Variants in RXRA observed in about 807,000 individuals in gnomAD.
RXRA encodes retinoid X receptor alpha, also known as retinoic acid receptor RXR-alpha.
In RXRA, 5 loss-of-function variants were observed where a neutral mutation model predicts 44.5. The observed-to-expected ratio is 0.11, with a 90% CI of 0.06 to 0.24. The LOEUF (loss-of-function observed/expected upper bound fraction) is 0.24, where lower values mean the gene tolerates loss of function less well. RXRA is among the 10% of genes least tolerant of loss of function. RXRA has a pLI of 1.00. For synonymous variants in RXRA, 291 were observed against 271.4 expected, an observed-to-expected ratio of 1.07 and a Z score of -0.71; for missense variants, 412 against 646.5, an observed-to-expected ratio of 0.64 and a Z score of 3.93.
chr9:134,410,306 T>A (rs2119162553), intron 4 of RXRA, among the ~76,000 whole-genome samples: 1 of 152,310 alleles, frequency 6.6e-6, no homozygotes, highest in Admixed American at 6.5e-5. Flanking sequence ...GATTCGTGTT[T>A]CATGGAGTGC....
chr9:134,401,595 T>C (rs1263236549), intron 1 of RXRA, 37 bp from the exon 2 acceptor site: 1 of 1,611,320 alleles, frequency 6.2e-7, no homozygotes, highest in South Asian at 1.1e-5. Context: ...TGGAGTCACC[T>C]GCACTGACCA....
At chr9:134,416,081 G>T (rs190052668) in intron 4 of RXRA, among the ~76,000 whole-genome samples, 104 of 152,258 alleles carry the variant, frequency 6.8e-4, no homozygotes, top group East Asian at 1.7e-3. Context: ...GGAAGGGGAC[G>T]TGTCTCGGGG....
chr9:134,338,273 C>T (rs1379056490), intron 1 of RXRA, among the ~76,000 whole-genome samples: 1 of 152,370 alleles, frequency 6.6e-6, no homozygotes, highest in African/African-American at 2.4e-5. Flanking sequence ...CATTCGACCC[C>T]TGCTGGCTCA....
intron 4 of RXRA, among the ~76,000 whole-genome samples, chr9:134,410,453 ATGTGCCCAGCCTGGAGAGGTG>A (rs1186708123): frequency 2.6e-5 from 4 of 152,180 alleles, no homozygotes; most frequent in South Asian, 2.1e-4. Context: ...GCAGAGGAGC[ATGTGCCCAGCCTGGAGAGGTG>A]TGTGCCCAGC....
intron 1 of RXRA, among the ~76,000 whole-genome samples, chr9:134,374,918 C>G (rs1830534383): frequency 6.6e-6 from 1 of 152,208 alleles, no homozygotes; most frequent in African/African-American, 2.4e-5. Flanking sequence ...TACTTGGCAC[C>G]TGCTATGTGC....
chr9:134,401,392 G>T (rs748327316), intron 1 of RXRA: 77 of 597,702 alleles, frequency 1.3e-4, no homozygotes, highest in Admixed American at 9.6e-5. Flanking sequence ...TGCGTCTGCC[G>T]CAGGCCCAGC....
At position 134,426,180 on chromosome 9, in the gene RXRA, G is replaced by GT. The variant is rs1400005316; in HGVS notation, c.911-2927dup. 2 of 985,442 alleles carry GT rather than the reference G, an allele frequency of 2.0e-6. No homozygotes were observed. The highest frequency in any genetic ancestry group is 2.3e-4 in the East Asian group (2 of 8,812). The allele number at this position is 985,442 out of a possible 1,614,324, so 61.0% of individuals were successfully genotyped here. A position where few individuals can be genotyped will look rare whatever the true frequency, so the allele number is the denominator to read the frequency against. ...CTTTGTCCTGCGCTTGGAGCCTGGAGTAAGACCTGGTATCCTCTGCATCAC... is the reference window on the plus strand; with the variant it reads ...CTTTGTCCTGCGCTTGGAGCCTGGAGTTAAGACCTGGTATCCTCTGCATCAC... On this transcript the variant is annotated intron_variant, in intron 6 of 9. Transcript: ENST00000481739. The surrounding 1 kb of genome is among the most constrained non-coding windows in gnomAD (Gnocchi z 4.6).
At chr9:134,356,532 C>T (rs1830285807) in intron 1 of RXRA, among the ~76,000 whole-genome samples, 1 of 152,292 alleles carries the variant, frequency 6.6e-6, no homozygotes, top group African/African-American at 2.4e-5. Flanking sequence ...GAGGCCCTTC[C>T]TGCTGACACA....
chr9:134,359,161 C>T (rs1830319182), intron 1 of RXRA, among the ~76,000 whole-genome samples: 1 of 152,064 alleles, frequency 6.6e-6, no homozygotes. Flanking sequence ...TTTGGGGTCC[C>T]CTGCTCACAT....
chr9:134,379,780 A>AC, intron 1 of RXRA: 1 of 985,216 alleles, frequency 1.0e-6, no homozygotes, highest in Non-Finnish European at 1.2e-6. Context: ...ACCTGGGCCC[A>AC]GCTGCCCCTA....
chr9:134,380,950 G>C (rs1830635551), intron 1 of RXRA, among the ~76,000 whole-genome samples: 1 of 152,218 alleles, frequency 6.6e-6, no homozygotes, highest in South Asian at 2.1e-4. Flanking sequence ...TGAGGGTTCA[G>C]GGGGTGCCCC....
chr9:134,338,344 C>T (rs1042288098), intron 1 of RXRA, among the ~76,000 whole-genome samples: 23 of 152,226 alleles, frequency 1.5e-4, no homozygotes, highest in African/African-American at 5.3e-4. Context: ...CCAGCTGTGG[C>T]GCTGAAAGGG....
intron 1 of RXRA, among the ~76,000 whole-genome samples, chr9:134,372,334 G>T (rs930568847): frequency 2.6e-5 from 4 of 152,146 alleles, no homozygotes; most frequent in Non-Finnish European, 5.9e-5. Context: ...CTGGATGCTG[G>T]CTTTGCTGTT....
At chr9:134,421,878 C>G (rs750339904) in intron 6 of RXRA, 73 bp downstream of exon 6, 1 of 1,571,500 alleles carries the variant, frequency 6.4e-7, no homozygotes, top group Non-Finnish European at 8.6e-7. Flanking sequence ...TCCCCCCTCC[C>G]GGGATACTCC....
At chr9:134,372,335 C>T (rs1830501223) in intron 1 of RXRA, among the ~76,000 whole-genome samples, 2 of 152,086 alleles carry the variant, frequency 1.3e-5, no homozygotes, top group African/African-American at 4.8e-5. Flanking sequence ...TGGATGCTGG[C>T]TTTGCTGTTG....
At chr9:134,388,692 C>T (rs1414228784) in intron 1 of RXRA, among the ~76,000 whole-genome samples, 8 of 152,204 alleles carry the variant, frequency 5.3e-5, no homozygotes, top group African/African-American at 1.4e-4. Flanking sequence ...CCATTCTGGG[C>T]GCATCGGGCT....
intron 1 of RXRA, among the ~76,000 whole-genome samples, chr9:134,353,607 C>T (rs1197846431): frequency 6.6e-6 from 1 of 152,236 alleles, no homozygotes; most frequent in Non-Finnish European, 1.5e-5. Context: ...CACTGCTTCT[C>T]CCCACAGCTA....
At chr9:134,341,461 C>T (rs1259833264) in intron 1 of RXRA, among the ~76,000 whole-genome samples, 2 of 152,150 alleles carry the variant, frequency 1.3e-5, no homozygotes, top group Non-Finnish European at 2.9e-5. Context: ...GCTTCCTACA[C>T]AAACAACCAG....
chr9:134,429,010 G>A, intron 6 of RXRA, 98 bp from the exon 7 acceptor site: 2 of 1,483,784 alleles, frequency 1.3e-6, no homozygotes, highest in South Asian at 1.2e-5. Context: ...GGATGGGTCG[G>A]TGACATGCTG....
Sources: gnomAD v4.1 joint callset for allele counts (sites outside exome capture counted in the v4.1 genomes callset) on GRCh38, gnomAD v4.1.1 for gene constraint, Gnocchi (gnomAD v3.1) non-coding constraint, MANE v1.5 for transcripts, NCBI Gene and HGNC (gene_info 2026-07-23, HGNC 2026-07-21) for gene names.